PARD3: variants seen among roughly 807,000 people sequenced by gnomAD.
The protein encoded by PARD3 is par-3 family cell polarity regulator, also known as partitioning defective 3 homolog.
PARD3 carries 75 observed loss-of-function variants against 155.4 expected under a neutral mutation model. That is an observed-to-expected ratio of 0.48 (90% CI 0.40 to 0.58). PARD3 has a LOEUF of 0.58. Ranked by LOEUF, PARD3 falls within the 20% of genes least tolerant of loss-of-function variation. The probability of loss-of-function intolerance (pLI) is 0.00; values close to 1 mark genes in which losing one functional copy is unlikely to be tolerated. For missense variants in PARD3, 1,642 were observed against 1,721.7 expected, an observed-to-expected ratio of 0.95 and a Z score of 0.82; for synonymous variants, 576 against 610.5, an observed-to-expected ratio of 0.94 and a Z score of 0.83.
chr10:34,677,553 T>C (rs1047407927), intron 2 of PARD3, among the ~76,000 whole-genome samples: 4 of 151,722 alleles, frequency 2.6e-5, no homozygotes, highest in African/African-American at 7.3e-5. Flanking sequence ...AAGTGTAGAA[T>C]TGATGACATA....
intron 22 of PARD3, among the ~76,000 whole-genome samples, chr10:34,244,143 T>C (rs1406952893): frequency 6.6e-6 from 1 of 152,210 alleles, no homozygotes; most frequent in Non-Finnish European, 1.5e-5. Flanking sequence ...TTAATATCTG[T>C]TTCTATTGCA....
intron 2 of PARD3, among the ~76,000 whole-genome samples, chr10:34,534,941 G>T (rs151148631): frequency 0.029 from 4,450 of 152,288 alleles, 222 homozygotes; most frequent in African/African-American, 0.1. Flanking sequence ...GAACCTGGGA[G>T]GCAGAGGTTA....
intron 20 of PARD3, among the ~76,000 whole-genome samples, chr10:34,310,515 G>C (rs1044375311): frequency 2.6e-5 from 4 of 152,194 alleles, no homozygotes; most frequent in Admixed American, 6.5e-5. Flanking sequence ...TCATGCCACA[G>C]GTCTATGGAA....
chr10:34,171,824 C>T (rs1357661312), intron 22 of PARD3, among the ~76,000 whole-genome samples: 1 of 151,700 alleles, frequency 6.6e-6, no homozygotes, highest in Non-Finnish European at 1.5e-5. Flanking sequence ...GTGGTGTGTG[C>T]CTATAATCCC....
chr10:34,232,791 G>A (rs895741676), intron 22 of PARD3, among the ~76,000 whole-genome samples: 2 of 151,976 alleles, frequency 1.3e-5, no homozygotes, highest in Admixed American at 6.6e-5. Flanking sequence ...ACTTTGAACT[G>A]CTAGGCTCAT....
At chr10:34,260,128 C>T (rs1193053068) in intron 22 of PARD3, among the ~76,000 whole-genome samples, 2 of 152,198 alleles carry the variant, frequency 1.3e-5, no homozygotes, top group South Asian at 2.1e-4. Context: ...GTGGGTACCA[C>T]CATGCCCAGT....
At chr10:34,491,028 C>G (rs1051106587) in intron 3 of PARD3, among the ~76,000 whole-genome samples, 4 of 152,134 alleles carry the variant, frequency 2.6e-5, no homozygotes, top group African/African-American at 9.7e-5. Context: ...CCTAAGGGAC[C>G]TCATGAAAAA....
chr10:34,385,144 CT>C (rs772496505), intron 7 of PARD3, among the ~76,000 whole-genome samples: 179 of 152,106 alleles, frequency 1.2e-3, no homozygotes, highest in Non-Finnish European at 2.3e-3. Flanking sequence ...TTATTTTATT[CT>C]TTTTTGAGAT....
chr10:34,763,495 T>G (rs1231130619), intron 1 of PARD3, among the ~76,000 whole-genome samples: 1 of 152,048 alleles, frequency 6.6e-6, no homozygotes, highest in Non-Finnish European at 1.5e-5. Context: ...CATTGCAACT[T>G]CCTGCAAATC....
At chr10:34,694,016 C>T (rs184664020) in intron 2 of PARD3, among the ~76,000 whole-genome samples, 6 of 152,090 alleles carry the variant, frequency 3.9e-5, no homozygotes, top group Admixed American at 3.9e-4. Flanking sequence ...CAGTGATAAG[C>T]TCTCAGCAAT....
At chr10:34,325,510 G>T (rs532703576) in intron 19 of PARD3, among the ~76,000 whole-genome samples, 3 of 151,936 alleles carry the variant, frequency 2.0e-5, no homozygotes, top group East Asian at 3.9e-4. Flanking sequence ...TTCCACATCA[G>T]CTGGGCACCC....
intron 14 of PARD3, among the ~76,000 whole-genome samples, chr10:34,350,027 T>C (rs1479132396): frequency 1.1e-4 from 17 of 152,130 alleles, no homozygotes; most frequent in Admixed American, 1.1e-3. Context: ...CTCCCCTACC[T>C]CTCTACCCAT....
chr10:34,741,582 G>A (rs988881491), intron 1 of PARD3, among the ~76,000 whole-genome samples: 30 of 152,296 alleles, frequency 2.0e-4, no homozygotes, highest in African/African-American at 6.7e-4. Context: ...ATGCAGAAGC[G>A]ACAGCCCCTG....
chr10:34,726,781 G>A (rs1169867987), intron 1 of PARD3, among the ~76,000 whole-genome samples: 1 of 151,890 alleles, frequency 6.6e-6, no homozygotes, highest in Non-Finnish European at 1.5e-5. Flanking sequence ...AAAGTGGGGG[G>A]AGGCGGGAGC....
chr10:34,606,247 G>C (rs2090425543), intron 2 of PARD3, among the ~76,000 whole-genome samples: 1 of 149,522 alleles, frequency 6.7e-6, no homozygotes, highest in African/African-American at 2.5e-5. Flanking sequence ...GACTAAAACA[G>C]CGTATGTCTA....
intron 2 of PARD3, among the ~76,000 whole-genome samples, chr10:34,641,313 T>C (rs1413916887): frequency 6.6e-6 from 1 of 152,118 alleles, no homozygotes; most frequent in Non-Finnish European, 1.5e-5. Context: ...AACCAGGTTC[T>C]CCCTCCCGGC....
intron 2 of PARD3, among the ~76,000 whole-genome samples, chr10:34,526,343 T>C (rs745959193): frequency 5.3e-5 from 8 of 152,070 alleles, no homozygotes; most frequent in Non-Finnish European, 8.8e-5. Context: ...CAGGCATAAG[T>C]CACATCCTGA....
intron 1 of PARD3, among the ~76,000 whole-genome samples, chr10:34,715,571 A>G (rs191134389): frequency 1.1e-3 from 167 of 152,272 alleles, no homozygotes; most frequent in African/African-American, 3.7e-3. Flanking sequence ...TCCTGGCTGA[A>G]ATGTATCTCT....
At chr10:34,415,415 T>C (rs750299950) in intron 5 of PARD3, among the ~76,000 whole-genome samples, 5 of 152,208 alleles carry the variant, frequency 3.3e-5, no homozygotes, top group Non-Finnish European at 7.3e-5. Context: ...AAATCAATAA[T>C]ATAAAGTATC....
Sources: gnomAD v4.1 joint callset for allele counts (sites outside exome capture counted in the v4.1 genomes callset) on GRCh38, gnomAD v4.1.1 for gene constraint, MANE v1.5 for transcripts, NCBI Gene and HGNC (gene_info 2026-07-23, HGNC 2026-07-21) for gene names.